PTPN23: variants seen among roughly 807,000 people sequenced by gnomAD.
PTPN23 encodes protein tyrosine phosphatase non-receptor type 23.
PTPN23 carries 72 observed loss-of-function variants against 156.3 expected under a neutral mutation model. That is an observed-to-expected ratio of 0.46 (90% CI 0.38 to 0.56). The LOEUF is 0.56. Among genes scored for constraint, PTPN23 ranks in the 20% least tolerant of loss-of-function variants. PTPN23 has a pLI of 0.00. For synonymous variants in PTPN23, 957 were observed against 899.6 expected (o/e 1.06, Z -1.14); for missense variants, 1,974 against 2,171.5 (o/e 0.91, Z 1.81).
At position 47,410,920 on chromosome 3, in the gene PTPN23, C is replaced by T; in HGVS notation, c.3122C>T (p.Pro1041Leu). The change falls in exon 20 of 25, where the codon CCC becomes CTC. Residue 1041 changes from proline (P) to leucine (L), a missense_variant. Physicochemically the swap from Pro to Leu is moderately conservative, Grantham distance 98. This residue lies in a region of PTPN23 where 731 missense variants were observed against 669.1 expected (regional missense o/e 1.09). Coordinates refer to ENST00000265562, the MANE Select transcript of PTPN23 (RefSeq NM_015466.4). Reference sequence around the variant, plus strand: ...GCTCTGCCTTTCCCCAGCCCTGGGCCCCCTCAGCCTCCCCATCCCCCACTG... The same window carrying T: ...GCTCTGCCTTTCCCCAGCCCTGGGCTCCCTCAGCCTCCCCATCCCCCACTG... The part of the protein sequence containing the change: ...SGALPFPSPG[P>L]PQPPHPPLAY... 6.2e-7 allele frequency: 1 copy of T among 1,611,488 alleles called. No individual in the cohort carries two copies. Among genetic ancestry groups the T allele is most frequent in the Non-Finnish European group, 8.5e-7 (1 of 1,178,822 alleles).
At chr3:47,387,571 A>T (rs201371108) in intron 1 of PTPN23, among the ~76,000 whole-genome samples, 1 of 4,134 alleles carries the variant, frequency 2.4e-4, no homozygotes. Context: ...ACCCTGTCTC[A>T]AAAAAAAAAA....
At position 47,412,087 on chromosome 3, in the gene PTPN23, C is replaced by A. The variant is rs746819030; in HGVS notation, c.4074-7C>A. ...TAGGCTCTTCCTGGCCCCATCCTGT[C>A]CCACAGAGGCCTGCCCGACAGCCCC... On this transcript the variant is annotated splice_region_variant and splice_polypyrimidine_tract_variant and intron_variant, in intron 21 of 24. Transcript: ENST00000265562. 3.7e-5 allele frequency: 59 copies of A among 1,612,794 alleles called. No individual in the cohort carries two copies. Among genetic ancestry groups the A allele is most frequent in the Non-Finnish European group, 4.9e-5 (58 of 1,179,944 alleles).
Position 47,413,250 on chromosome 3 carries a change from C to T in PTPN23, c.*65C>T. 1.9e-6 allele frequency: 3 copies of T among 1,539,410 alleles called. No homozygotes were observed. Among genetic ancestry groups the T allele is most frequent in the Admixed American group, 1.9e-5 (1 of 52,354 alleles). ...CATCTCATGCCCACCTGCCCACACC[C>T]AGCAGAGCTTCTCAGTGGGCACAGT... On this transcript the variant is annotated 3_prime_UTR_variant, in exon 25 of 25. Transcript: ENST00000265562.
Position 47,411,716 on chromosome 3 carries a change from G to A in PTPN23, c.3888+30G>A. 6.3e-7 allele frequency: 1 copy of A among 1,595,936 alleles called. No homozygotes were observed. The highest frequency in any genetic ancestry group is 8.6e-7 in the Non-Finnish European group (1 of 1,167,700). On this transcript the variant is annotated intron_variant, in intron 20 of 24. Coordinates refer to ENST00000265562, the MANE Select transcript of PTPN23 (RefSeq NM_015466.4). This position sits in a 1 kb window ranked among gnomAD's most constrained non-coding sequence, Gnocchi z 6.3. ...GAAGAGGGGGTGGGTGCCCACGAGG[G>A]CAGTGTGGGGTGGCAGGGCAGGGGA...
At chr3:47,393,206 G>A (rs181283352) in intron 1 of PTPN23, among the ~76,000 whole-genome samples, 51 of 152,168 alleles carry the variant, frequency 3.4e-4, no homozygotes, top group Non-Finnish European at 6.5e-4. Context: ...AGGCTGGAGT[G>A]CAGTGTTGTA....
intron 2 of PTPN23, among the ~76,000 whole-genome samples, chr3:47,399,585 AT>A (rs1203284745): frequency 2.6e-5 from 4 of 152,130 alleles, no homozygotes. Flanking sequence ...ATTACCACCA[AT>A]CTCCAAAGCA....
At chr3:47,403,287 C>T (rs963363669) in intron 2 of PTPN23, among the ~76,000 whole-genome samples, 4 of 151,232 alleles carry the variant, frequency 2.6e-5, no homozygotes, top group Admixed American at 6.6e-5. Flanking sequence ...CTCCTGACCT[C>T]GTGATCCTCC....
intron 1 of PTPN23, among the ~76,000 whole-genome samples, chr3:47,390,563 G>C (rs1391385177): frequency 6.6e-6 from 1 of 152,064 alleles, no homozygotes; most frequent in Non-Finnish European, 1.5e-5. Context: ...CATACTTCCC[G>C]CTAGACTGTT....
chr3:47,407,647 G>A lies in PTPN23; in HGVS notation c.1004-50G>A. 6.2e-7 allele frequency: 1 copy of A among 1,606,202 alleles called. No homozygotes were observed. The highest frequency in any genetic ancestry group is 8.5e-7 in the Non-Finnish European group (1 of 1,173,062). On this transcript the variant is annotated intron_variant, in intron 12 of 24. Transcript: ENST00000265562. The surrounding 1 kb of genome is among the most constrained non-coding windows in gnomAD (Gnocchi z 4.0). The stretch of plus-strand genomic sequence containing the variant: ...GGGTGGGGACAGGACACAGGAGGCT[G>A]CCTCAAGGACTCTGCGTGGGCCTGA...
At position 47,411,483 on chromosome 3, in the gene PTPN23, T is replaced by C; in HGVS notation, c.3685T>C (p.Tyr1229His). 1 of 1,613,154 alleles carries C rather than the reference T, an allele frequency of 6.2e-7. No individual in the cohort carries two copies. The highest frequency in any genetic ancestry group is 8.5e-7 in the Non-Finnish European group (1 of 1,180,014). Residue 1229 changes from tyrosine (Y) to histidine (H), a missense_variant, in exon 20 of 25, where the codon TAT becomes CAT. By Grantham distance (83) the Tyr-to-His change is moderately conservative. Coordinates refer to ENST00000265562, the MANE Select transcript of PTPN23 (RefSeq NM_015466.4). The surrounding 1 kb of genome is among the most constrained non-coding windows in gnomAD (Gnocchi z 6.3). ...GAACCGGCACCAGGATGTCATGCCC[T>C]ATGACAGTAACCGTGTGGTGCTGCG... is the stretch of plus-strand genomic sequence containing the variant. ...LKNRHQDVMPYDSNRVVLRSG... is the reference protein window; with the variant it reads ...LKNRHQDVMPHDSNRVVLRSG...
intron 1 of PTPN23, among the ~76,000 whole-genome samples, chr3:47,393,238 C>T (rs1449529263): frequency 6.6e-6 from 1 of 152,008 alleles, no homozygotes. Flanking sequence ...CTGCAACCTC[C>T]CCCTCCTGAG....
At chr3:47,390,003 G>A (rs1331098589) in intron 1 of PTPN23, among the ~76,000 whole-genome samples, 1 of 151,502 alleles carries the variant, frequency 6.6e-6, no homozygotes, top group Non-Finnish European at 1.5e-5. Context: ...AACCCAGGAG[G>A]TGGAGGTTGC....
rs772680079 is a variant in PTPN23 at position 47,413,080 on chromosome 3, G to A, written c.4806G>A (p.Lys1602=). 6.2e-6 allele frequency: 10 copies of A among 1,612,944 alleles called. No individual in the cohort carries two copies. In the South Asian group the frequency reaches 9.9e-5, roughly 16 times the overall value. Residue 1602 remains lysine, a synonymous_variant, in exon 25 of 25, where the codon AAG becomes AAA. Coordinates refer to ENST00000265562, the MANE Select transcript of PTPN23 (RefSeq NM_015466.4). ...SSLRGKQRMS[K]HNFLQAHNGQ... ...TGCGGGGCAAACAGCGGATGAGCAAGCATAACTTTCTGCAGGCCCATAACG... is the reference window on the plus strand; with the variant it reads ...TGCGGGGCAAACAGCGGATGAGCAAACATAACTTTCTGCAGGCCCATAACG...
Position 47,410,873 on chromosome 3 carries a change from C to A in PTPN23, c.3075C>A (p.Asp1025Glu), listed in dbSNP as rs764694903. The A allele has an allele frequency of 1.2e-6, 2 of 1,610,572 alleles. No individual in the cohort carries two copies. The highest frequency in any genetic ancestry group is 1.3e-5 in the African/African-American group (1 of 74,444). Residue 1025 changes from aspartate to glutamate, a missense_variant, in exon 20 of 25, where the codon GAC becomes GAA. By Grantham distance (45) the Asp-to-Glu change is conservative (BLOSUM62 2). Around this residue, in one of 4 missense-constraint regions of PTPN23, gnomAD observed 731 missense variants for 669.1 expected, o/e 1.09. Transcript: ENST00000265562. The stretch of plus-strand genomic sequence containing the variant: ...AGCTCTACCCAGGTCCCGCTCAAGA[C>A]CCTCTGCCAGCCCACTCAGGGGCTC... ...HTQLYPGPAQ[D>E]PLPAHSGALP...
intron 22 of PTPN23, 29 bp from the exon 23 acceptor site, chr3:47,412,254 C>T: frequency 6.2e-7 from 1 of 1,612,912 alleles, no homozygotes; most frequent in Non-Finnish European, 8.5e-7. Context: ...AGCCTCATAC[C>T]CCGGCCTCAT....
At chr3:47,387,137 A>C (rs137939695) in intron 1 of PTPN23, among the ~76,000 whole-genome samples, 1 of 152,158 alleles carries the variant, frequency 6.6e-6, no homozygotes, top group African/African-American at 2.4e-5. Flanking sequence ...TATCCCCAGT[A>C]CTCTTGGCCT....
intron 1 of PTPN23, among the ~76,000 whole-genome samples, chr3:47,387,911 C>T (rs1475808187): frequency 6.6e-6 from 1 of 152,192 alleles, no homozygotes; most frequent in African/African-American, 2.4e-5. Flanking sequence ...TGCCCTTTCT[C>T]TAATCTGCAA....
At chr3:47,385,824 T>C (rs1411807909) in intron 1 of PTPN23, among the ~76,000 whole-genome samples, 1 of 152,208 alleles carries the variant, frequency 6.6e-6, no homozygotes, top group Non-Finnish European at 1.5e-5. Flanking sequence ...CCTCCCACTC[T>C]GGCTGAGTTG....
In PTPN23 at chr3:47,406,742, G is replaced by C. The variant is rs146048311; in HGVS notation, c.799G>C (p.Gly267Arg). The C allele has an allele frequency of 1.2e-6, 2 of 1,613,724 alleles. No homozygotes were observed. The highest frequency in any genetic ancestry group is 1.7e-5 in the Admixed American group (1 of 60,008). ...GCAGGCCGAGGAGCAGCAGAAGTTC[G>C]GGGAGCGGGTGAGCTACAGCGAGGA... The part of the protein sequence containing the change: ...GKQAEEQQKF[G>R]ERVAYFQSAL... The change falls in exon 9 of 25, where the codon GGG (glycine) becomes CGG (arginine). Residue 267 changes from glycine to arginine, a missense_variant. Physicochemically the swap from Gly to Arg is moderately radical, Grantham distance 125 (BLOSUM62 -2). Around this residue, in one of 4 missense-constraint regions of PTPN23, gnomAD observed 726 missense variants for 929.5 expected, o/e 0.78. Transcript: ENST00000265562. This position sits in a 1 kb window ranked among gnomAD's most constrained non-coding sequence, Gnocchi z 5.8.
Sources: allele counts gnomAD v4.1 joint callset (sites outside exome capture counted in the v4.1 genomes callset), GRCh38; gene constraint gnomAD v4.1.1; regional missense constraint gnomAD v4.1.1; non-coding constraint Gnocchi (gnomAD v3.1); transcripts MANE v1.5; gene names NCBI Gene and HGNC (gene_info 2026-07-23, HGNC 2026-07-21).